BMP5: variants seen among roughly 807,000 people sequenced by gnomAD.
BMP5 encodes the protein bone morphogenetic protein 5.
BMP5 carries 23 observed loss-of-function variants against 46.6 expected under a neutral mutation model. The observed-to-expected ratio is 0.49, with a 90% CI of 0.35 to 0.70. The LOEUF (loss-of-function observed/expected upper bound fraction) is 0.70. Among genes scored for constraint, BMP5 ranks in the 30% least tolerant of loss-of-function variants. The pLI is 0.00. For missense variants in BMP5, 545 were observed against 565.6 expected (o/e 0.96, Z 0.37); for synonymous variants, 204 against 191.9 (o/e 1.06, Z -0.52).
intron 1 of BMP5, among the ~76,000 whole-genome samples, chr6:55,854,943 A>C (rs1031955289): frequency 6.6e-6 from 1 of 152,148 alleles, no homozygotes; most frequent in Non-Finnish European, 1.5e-5. Context: ...TTATTAAAAA[A>C]TACTATGCAG....
chr6:55,824,840 A>G (rs1235014319), intron 1 of BMP5, among the ~76,000 whole-genome samples: 1 of 151,922 alleles, frequency 6.6e-6, no homozygotes, highest in Non-Finnish European at 1.5e-5. Context: ...CATTTTGCAA[A>G]CAGCCATACA....
chr6:55,782,241 A>G (rs1260101111), intron 3 of BMP5, among the ~76,000 whole-genome samples: 1 of 152,188 alleles, frequency 6.6e-6, no homozygotes, highest in East Asian at 1.9e-4. Context: ...ATTGTACCGC[A>G]AAAATATGTG....
rs6917638 is a variant in BMP5 at position 55,831,266 on chromosome 6, G to T, written c.491-11419C>A. 2.6e-5 allele frequency among the ~76,000 whole-genome samples: 4 copies of T among 152,008 alleles called. No individual in the cohort carries two copies. In the South Asian group the frequency reaches 8.3e-4, roughly 31 times the overall value. On this transcript the variant is annotated intron_variant, in intron 1 of 6. Coordinates refer to ENST00000370830, the MANE Select transcript of BMP5 (RefSeq NM_021073.4). ...AGGGAAAATAATACTGACAAGTTCCGCCAATATGCTAAGTTGCTAATCAGC... is the reference window on the plus strand; with the variant it reads ...AGGGAAAATAATACTGACAAGTTCCTCCAATATGCTAAGTTGCTAATCAGC...
chr6:55,813,738 G>C (rs1776190597), intron 2 of BMP5, among the ~76,000 whole-genome samples: 1 of 148,492 alleles, frequency 6.7e-6, no homozygotes, highest in Non-Finnish European at 1.5e-5. Context: ...AGTGAGCAGA[G>C]ATTGCGCCAC....
chr6:55,874,265 T>C lies in BMP5; in HGVS notation c.490+111A>G, dbSNP rs1777848935. ...GAAAACAGAAGCTAAACAGGAGAGT[T>C]AGAGAAAATGTCTTTATATAAACAT... On this transcript the variant is annotated intron_variant, in intron 1 of 6. Coordinates refer to ENST00000370830, the MANE Select transcript of BMP5 (RefSeq NM_021073.4). 4 of 1,391,000 alleles carry C rather than the reference T, an allele frequency of 2.9e-6. No individual in the cohort carries two copies. The Admixed American group carries it at 5.3e-5, about 19-fold the overall frequency. The allele number at this position is 1,391,000 out of a possible 1,614,324, so 86.2% of individuals were successfully genotyped here.
rs563876869 is a variant in BMP5, at chr6:55,862,988, G to GA, written c.490+11387dup. Reference sequence around the variant, plus strand: ...TTTAAAGTATGTGACATTGAGCAAAGAAAAAAAATCCTGGCACAAGAATGA... The same window carrying GA: ...TTTAAAGTATGTGACATTGAGCAAAGAAAAAAAAATCCTGGCACAAGAATGA... On this transcript the variant is annotated intron_variant, in intron 1 of 6. Transcript: ENST00000370830. 4.3e-4 allele frequency among the ~76,000 whole-genome samples: 65 copies of GA among 152,084 alleles called. No homozygotes were observed. The South Asian group carries it at 0.013, about 30-fold the overall frequency.
intron 4 of BMP5, chr6:55,772,742 A>G (rs1775077134): frequency 1.0e-6 from 1 of 984,878 alleles, no homozygotes; most frequent in Admixed American, 6.2e-5. Flanking sequence ...TTATTTTAAA[A>G]CATCACCTTA....
intron 1 of BMP5, among the ~76,000 whole-genome samples, chr6:55,834,372 ATAT>A (rs1311817959): frequency 2.6e-5 from 4 of 152,152 alleles, no homozygotes; most frequent in Admixed American, 6.6e-5. Context: ...AATATTACTA[ATAT>A]TATCTGCATT....
chr6:55,869,030 G>T (rs1384922302), intron 1 of BMP5, among the ~76,000 whole-genome samples: 5 of 152,156 alleles, frequency 3.3e-5, no homozygotes. Flanking sequence ...AACCCTTTCA[G>T]TGGTTCCTCT....
At chr6:55,815,674 A>C (rs1235117825) in intron 2 of BMP5, among the ~76,000 whole-genome samples, 1 of 152,180 alleles carries the variant, frequency 6.6e-6, no homozygotes, top group Non-Finnish European at 1.5e-5. Flanking sequence ...GAAAAATATC[A>C]GAGGTGCAAG....
chr6:55,806,469 C>T (rs1345671882), intron 2 of BMP5, among the ~76,000 whole-genome samples: 2 of 152,046 alleles, frequency 1.3e-5, no homozygotes, highest in African/African-American at 4.8e-5. Flanking sequence ...TTGGTTAGTG[C>T]ATCCTTGATG....
chr6:55,858,687 G>A (rs1283902610), intron 1 of BMP5, among the ~76,000 whole-genome samples: 1 of 152,170 alleles, frequency 6.6e-6, no homozygotes, highest in Admixed American at 6.6e-5. Context: ...GCTTAAACGT[G>A]TATTTATTGC....
chr6:55,797,494 T>C (rs1775743678), intron 2 of BMP5, among the ~76,000 whole-genome samples: 1 of 152,072 alleles, frequency 6.6e-6, no homozygotes, highest in South Asian at 2.1e-4. Flanking sequence ...ATAAATCCTT[T>C]AAATAAGGTG....
At chr6:55,810,163 A>G (rs927676686) in intron 2 of BMP5, among the ~76,000 whole-genome samples, 1 of 152,186 alleles carries the variant, frequency 6.6e-6, no homozygotes. Context: ...AAATTGATCA[A>G]TGTTTTCAAA....
At chr6:55,808,026 G>T (rs954668784) in intron 2 of BMP5, among the ~76,000 whole-genome samples, 4 of 152,128 alleles carry the variant, frequency 2.6e-5, no homozygotes, top group East Asian at 3.9e-4. Flanking sequence ...GTACTTCAGT[G>T]GGGGGAGAAA....
intron 3 of BMP5, among the ~76,000 whole-genome samples, chr6:55,787,521 T>C (rs1464402597): frequency 6.6e-6 from 1 of 151,704 alleles, no homozygotes; most frequent in African/African-American, 2.4e-5. Flanking sequence ...GAAATATTAC[T>C]GGATATTTTA....
At chr6:55,786,534 G>A (rs1775454718) in intron 3 of BMP5, among the ~76,000 whole-genome samples, 1 of 151,146 alleles carries the variant, frequency 6.6e-6, no homozygotes, top group Non-Finnish European at 1.5e-5. Flanking sequence ...GATTTAACTT[G>A]TGGACTGTAG....
intron 6 of BMP5, among the ~76,000 whole-genome samples, chr6:55,758,429 G>C (rs904285552): frequency 4.0e-5 from 6 of 151,760 alleles, no homozygotes; most frequent in African/African-American, 1.5e-4. Context: ...AATAAGCCTA[G>C]ATTATTAGAG....
chr6:55,849,248 C>T (rs888493297), intron 1 of BMP5, among the ~76,000 whole-genome samples: 12 of 151,986 alleles, frequency 7.9e-5, no homozygotes, highest in Non-Finnish European at 1.3e-4. Context: ...CCGGAGAAAA[C>T]TGTAACAGCA....
Sources: gnomAD v4.1 joint callset for allele counts (sites outside exome capture counted in the v4.1 genomes callset) on GRCh38, gnomAD v4.1.1 for gene constraint, MANE v1.5 for transcripts, NCBI Gene and HGNC (gene_info 2026-07-23, HGNC 2026-07-21) for gene names.